POU3F3: variants seen among roughly 807,000 people sequenced by gnomAD.
POU3F3 encodes the protein POU domain, class 3, transcription factor 3.
In POU3F3, 1 loss-of-function variant was observed where a neutral mutation model predicts 8.6. The observed-to-expected ratio is 0.12, with a 90% CI of 0.04 to 0.55. The LOEUF (loss-of-function observed/expected upper bound fraction) is 0.55. Among genes scored for constraint, POU3F3 ranks in the 20% least tolerant of loss-of-function variants. The pLI is 0.91. For synonymous variants in POU3F3, 418 were observed against 327.4 expected (o/e 1.28, Z -2.99); for missense variants, 577 against 690.7 (o/e 0.84, Z 1.84).
chr2:104,911,741 C>G, the POU3F3 span, among the ~76,000 whole-genome samples: 1 of 151,766 alleles, frequency 6.6e-6, no homozygotes, highest in Admixed American at 6.6e-5. Context: ...AAGAGAGGAA[C>G]CATCCGAGAC....
chr2:104,855,412 G>A lies in POU3F3; in HGVS notation c.-99G>A. 1 of 534,458 alleles carries A rather than the reference G, an allele frequency of 1.9e-6. No homozygotes were observed. The highest frequency in any genetic ancestry group is 2.3e-6 in the Non-Finnish European group (1 of 429,868). 33.1% of individuals were successfully genotyped at this position (534,458 alleles called of 1,614,324 possible). On this transcript the variant is annotated 5_prime_UTR_variant, in exon 1 of 1. Transcript: ENST00000361360. The stretch of plus-strand genomic sequence containing the variant: ...GAAGGAGGGGGGGAGGAGGCGGGAG[G>A]CGGGGGGCGCGGCGGCGGCGGCGGC...
the POU3F3 span, among the ~76,000 whole-genome samples, chr2:104,886,959 A>T: frequency 4.6e-5 from 7 of 151,886 alleles, no homozygotes; most frequent in Admixed American, 3.9e-4. Context: ...AAAGCAAAGG[A>T]AAAAAAAGGC....
chr2:104,927,321 C>T, the POU3F3 span, among the ~76,000 whole-genome samples: 1 of 151,388 alleles, frequency 6.6e-6, no homozygotes, highest in African/African-American at 2.4e-5. Context: ...AGGAATGCTT[C>T]CTTTTGGTGG....
chr2:104,893,906 A>ATGCAGTGC, the POU3F3 span, among the ~76,000 whole-genome samples: 1 of 145,732 alleles, frequency 6.9e-6, no homozygotes, highest in Non-Finnish European at 1.5e-5. Context: ...AAAAAAAAAG[A>ATGCAGTGC]TGCAGTGCGC....
At chr2:104,898,018 A>G in the POU3F3 span, among the ~76,000 whole-genome samples, 8 of 152,172 alleles carry the variant, frequency 5.3e-5, no homozygotes, top group East Asian at 1.9e-4. Context: ...CAGAGTTCCT[A>G]TGTTGAAATC....
chr2:104,874,643 T>G, the POU3F3 span, among the ~76,000 whole-genome samples: 1 of 152,112 alleles, frequency 6.6e-6, no homozygotes, highest in South Asian at 2.1e-4. Context: ...GCTGGGCAGG[T>G]GGCTGATTGC....
chr2:104,912,449 G>C, the POU3F3 span, among the ~76,000 whole-genome samples: 1 of 128,430 alleles, frequency 7.8e-6, no homozygotes, highest in Admixed American at 7.9e-5. Context: ...TCACTATGTG[G>C]TGTGGGGGGC....
the POU3F3 span, among the ~76,000 whole-genome samples, chr2:104,912,994 G>C: frequency 6.6e-6 from 1 of 152,184 alleles, no homozygotes; most frequent in Non-Finnish European, 1.5e-5. Context: ...TTACTCTCAA[G>C]ATGCGTGTTT....
rs775054761 is a variant in POU3F3, at chr2:104,856,825, C to T, written c.1315C>T (p.Leu439=). The T allele has an allele frequency of 1.2e-6, 2 of 1,614,134 alleles. No homozygotes were observed. The highest frequency in any genetic ancestry group is 8.5e-7 in the Non-Finnish European group (1 of 1,180,022). The change falls in exon 1 of 1, where the codon CTG becomes TTG. Residue 439 remains leucine (L), a synonymous_variant. Coordinates refer to ENST00000361360, the MANE Select transcript of POU3F3 (RefSeq NM_006236.3). ...GCCCTCCGCGCAGGAGATCACCAAC[C>T]TGGCCGACAGCCTGCAGCTCGAGAA... ...PKPSAQEITN[L]ADSLQLEKEV...
chr2:104,873,297 C>T, the POU3F3 span, among the ~76,000 whole-genome samples: 1 of 152,210 alleles, frequency 6.6e-6, no homozygotes. Flanking sequence ...GCAGCCGGCG[C>T]TGGCTGCTTG....
chr2:104,856,361 ACCCGCACCACGCGCAGGGACC>A lies in POU3F3; in HGVS notation c.863_883del (p.Ala288_His294del). 19 of 1,528,848 alleles carry A rather than the reference ACCCGCACCACGCGCAGGGACC, an allele frequency of 1.2e-5. No individual in the cohort carries two copies. Among genetic ancestry groups the A allele is most frequent in the Non-Finnish European group, 1.7e-5 (19 of 1,142,354 alleles). 94.7% of individuals were successfully genotyped at this position (1,528,848 alleles called of 1,614,324 possible). A position where few individuals can be genotyped will look rare whatever the true frequency, so the allele number is the denominator to read the frequency against. On this transcript the variant is annotated inframe_deletion, in exon 1 of 1. Coordinates refer to ENST00000361360, the MANE Select transcript of POU3F3 (RefSeq NM_006236.3). ...CACCACGCGCATCCTCACCCGCCGC[ACCCGCACCACGCGCAGGGACC>A]CCCGCACCACGGCGGCGGCGGCGGC... is the stretch of plus-strand genomic sequence containing the variant.
chr2:104,904,696 T>C, the POU3F3 span, among the ~76,000 whole-genome samples: 2 of 152,166 alleles, frequency 1.3e-5, no homozygotes, highest in Non-Finnish European at 2.9e-5. Context: ...AAGTCAAATG[T>C]ATACTGAGGT....
the POU3F3 span, among the ~76,000 whole-genome samples, chr2:104,918,722 G>GC: frequency 1 from 152,224 of 152,224 alleles, 76,112 homozygotes; most frequent in Non-Finnish European, 1. Flanking sequence ...CAGGCTTCCA[G>GC]CTCCAGAACT....
At chr2:104,876,146 C>T in the POU3F3 span, among the ~76,000 whole-genome samples, 75 of 152,196 alleles carry the variant, frequency 4.9e-4, no homozygotes, top group Non-Finnish European at 9.6e-4. Flanking sequence ...GCTGGAAGTT[C>T]AAAGGGCTAT....
chr2:104,893,162 A>G, the POU3F3 span, among the ~76,000 whole-genome samples: 2 of 152,348 alleles, frequency 1.3e-5, no homozygotes, highest in Admixed American at 6.5e-5. Flanking sequence ...AAGTCACTCA[A>G]TCACTCAATG....
chr2:104,923,348 G>A, the POU3F3 span, among the ~76,000 whole-genome samples: 2 of 152,320 alleles, frequency 1.3e-5, no homozygotes, highest in East Asian at 3.9e-4. Flanking sequence ...TTTTGGCCAT[G>A]CAATATTTAA....
chr2:104,927,218 C>A, the POU3F3 span, among the ~76,000 whole-genome samples: 1 of 152,076 alleles, frequency 6.6e-6, no homozygotes, highest in Non-Finnish European at 1.5e-5. Context: ...GCCTTCAAAC[C>A]CTAACCACCT....
chr2:104,916,021 A>G, the POU3F3 span, among the ~76,000 whole-genome samples: 1 of 128,502 alleles, frequency 7.8e-6, no homozygotes, highest in African/African-American at 2.8e-5. Flanking sequence ...GGCCCCTCAT[A>G]GAAAATAAAA....
chr2:104,870,460 A>G, the POU3F3 span, among the ~76,000 whole-genome samples: 7 of 152,204 alleles, frequency 4.6e-5, no homozygotes, highest in Non-Finnish European at 8.8e-5. Context: ...AGCCCGGTAA[A>G]CACATCAGAA....
Sources: allele counts gnomAD v4.1 joint callset (sites outside exome capture counted in the v4.1 genomes callset), GRCh38; gene constraint gnomAD v4.1.1; transcripts MANE v1.5; gene names NCBI Gene and HGNC (gene_info 2026-07-23, HGNC 2026-07-21).